CXCL13: variants seen among roughly 807,000 people sequenced by gnomAD.
The protein encoded by CXCL13 is C-X-C motif chemokine 13.
CXCL13 carries 7 observed loss-of-function variants against 12.2 expected under a neutral mutation model. The ratio of observed to expected loss-of-function variants is 0.57; its 90% CI spans 0.33 to 1.07. CXCL13 has a LOEUF of 1.07. CXCL13 is among the 50% of genes least tolerant of loss of function. CXCL13 has a pLI of 0.04. For synonymous variants in CXCL13, 47 were observed against 42.4 expected (o/e 1.11, Z -0.42); for missense variants, 113 against 127.4 (o/e 0.89, Z 0.55).
intron 1 of CXCL13, among the ~76,000 whole-genome samples, chr4:77,591,374 C>A (rs1212771595): frequency 6.6e-6 from 1 of 151,540 alleles, no homozygotes; most frequent in Non-Finnish European, 1.5e-5. Context: ...CAAGGTGAAA[C>A]CCCGTTTCTA....
At chr4:77,548,035 T>A (rs919769548) in intron 1 of CXCL13, among the ~76,000 whole-genome samples, 1 of 152,066 alleles carries the variant, frequency 6.6e-6, no homozygotes, top group Non-Finnish European at 1.5e-5. Context: ...GAAAAAAAAT[T>A]TTTTTTAAGG....
chr4:77,542,515 G>GA (rs773771734), intron 1 of CXCL13, among the ~76,000 whole-genome samples: 25 of 152,054 alleles, frequency 1.6e-4, no homozygotes, highest in Middle Eastern at 3.2e-3. Flanking sequence ...GTACCAAGGG[G>GA]AAAATCCACT....
intron 1 of CXCL13, among the ~76,000 whole-genome samples, chr4:77,567,240 A>C (rs1418957900): frequency 6.6e-6 from 1 of 152,138 alleles, no homozygotes. Flanking sequence ...ACCTATAAGA[A>C]CTAATGATAA....
At chr4:77,600,194 A>G (rs943455140) in intron 1 of CXCL13, among the ~76,000 whole-genome samples, 2 of 152,180 alleles carry the variant, frequency 1.3e-5, no homozygotes, top group East Asian at 3.9e-4. Context: ...ATAGATACCA[A>G]TGTGAGAGGA....
chr4:77,554,650 T>TTA (rs2109808938), intron 1 of CXCL13, among the ~76,000 whole-genome samples: 1 of 152,242 alleles, frequency 6.6e-6, no homozygotes, highest in African/African-American at 2.4e-5. Context: ...AACATATACA[T>TTA]TATTTTCAGA....
At chr4:77,573,558 A>C (rs1348095754) in intron 1 of CXCL13, among the ~76,000 whole-genome samples, 1 of 151,944 alleles carries the variant, frequency 6.6e-6, no homozygotes, top group Non-Finnish European at 1.5e-5. Flanking sequence ...CTAAAATTTA[A>C]GGTTACTAAA....
chr4:77,587,395 G>T (rs897748738), intron 1 of CXCL13, among the ~76,000 whole-genome samples: 4 of 152,166 alleles, frequency 2.6e-5, no homozygotes. Flanking sequence ...AAGCTGTAAG[G>T]TTTGCTCTCT....
intron 1 of CXCL13, among the ~76,000 whole-genome samples, chr4:77,569,748 C>T (rs981278860): frequency 6.6e-6 from 1 of 152,192 alleles, no homozygotes; most frequent in Admixed American, 6.5e-5. Context: ...CTACCAAGGA[C>T]ATTCTTCACA....
intron 1 of CXCL13, among the ~76,000 whole-genome samples, chr4:77,539,523 G>T (rs973581630): frequency 1.3e-5 from 2 of 152,210 alleles, no homozygotes; most frequent in Admixed American, 6.5e-5. Flanking sequence ...TGGGCTGTCC[G>T]CATGGCAGTG....
chr4:77,603,101 C>T (rs934296779), upstream of CXCL13, among the ~76,000 whole-genome samples: 1 of 152,212 alleles, frequency 6.6e-6, no homozygotes, highest in Non-Finnish European at 1.5e-5. Context: ...TAGGTTTATT[C>T]AGAGCTCTCT....
At chr4:77,523,485 C>T (rs1208463105) in intron 1 of CXCL13, among the ~76,000 whole-genome samples, 2 of 152,118 alleles carry the variant, frequency 1.3e-5, no homozygotes, top group Non-Finnish European at 2.9e-5. Context: ...GATACTCTTT[C>T]TTCCACTTGA....
chr4:77,593,817 C>T (rs1477287098), intron 1 of CXCL13, among the ~76,000 whole-genome samples: 3 of 152,164 alleles, frequency 2.0e-5, no homozygotes, highest in African/African-American at 4.8e-5. Context: ...GGGCAAAAAG[C>T]TCTGTCATCA....
chr4:77,611,394 T>C lies in CXCL13; in HGVS notation c.*355T>C, dbSNP rs1578076532. 2.7e-6 allele frequency: 1 copy of C among 366,642 alleles called. No homozygotes were observed. Among genetic ancestry groups the C allele is most frequent in the East Asian group, 4.1e-5 (1 of 24,662 alleles). 22.7% of individuals were successfully genotyped at this position (366,642 alleles called of 1,614,324 possible). The stretch of plus-strand genomic sequence containing the variant: ...AATTTAAGCCTCAAATTTGAACATG[T>C]GGCTTGAATTAAGAAGAAAATTATG... On this transcript the variant is annotated 3_prime_UTR_variant, in exon 4 of 4. Transcript: ENST00000682537.
At chr4:77,596,159 G>T (rs1264359341) in intron 1 of CXCL13, among the ~76,000 whole-genome samples, 2 of 152,162 alleles carry the variant, frequency 1.3e-5, no homozygotes, top group Non-Finnish European at 2.9e-5. Context: ...GTCCCGGAAG[G>T]GAGCTAAGAT....
chr4:77,595,412 A>G (rs1251350637), intron 1 of CXCL13, among the ~76,000 whole-genome samples: 2 of 152,190 alleles, frequency 1.3e-5, no homozygotes, highest in South Asian at 2.1e-4. Context: ...TTTTTTGTAC[A>G]TTGCTTATTG....
chr4:77,580,823 TCTC>T (rs1487318728), intron 1 of CXCL13, among the ~76,000 whole-genome samples: 1 of 139,392 alleles, frequency 7.2e-6, no homozygotes, highest in Non-Finnish European at 1.6e-5. Flanking sequence ...CTCCCTCTCT[TCTC>T]CTCCCCTCCT....
At chr4:77,580,345 T>TTTTTTTTTTTTTTTTTTC (rs1726295954) in intron 1 of CXCL13, among the ~76,000 whole-genome samples, 1 of 133,962 alleles carries the variant, frequency 7.5e-6, no homozygotes, top group Non-Finnish European at 1.6e-5. Flanking sequence ...TTTTTTTTTT[T>TTTTTTTTTTTTTTTTTTC]GAGATGGAGT....
chr4:77,551,074 T>G (rs1725504608), intron 1 of CXCL13, among the ~76,000 whole-genome samples: 1 of 152,214 alleles, frequency 6.6e-6, no homozygotes, highest in Non-Finnish European at 1.5e-5. Flanking sequence ...TGTATTTTTA[T>G]TCAACTTGCC....
intron 1 of CXCL13, among the ~76,000 whole-genome samples, chr4:77,530,346 G>C (rs989511647): frequency 2.0e-5 from 3 of 152,206 alleles, no homozygotes; most frequent in Non-Finnish European, 4.4e-5. Context: ...GTTTCGGAAG[G>C]AATGGTACCA....
Sources: allele counts gnomAD v4.1 joint callset (sites outside exome capture counted in the v4.1 genomes callset), GRCh38; gene constraint gnomAD v4.1.1; transcripts MANE v1.5; gene names NCBI Gene and HGNC (gene_info 2026-07-23, HGNC 2026-07-21).